The following RAMP1 variants were observed in gnomAD, a reference collection of about 807,000 sequenced individuals.
RAMP1 encodes receptor activity-modifying protein 1.
RAMP1 carries 7 observed loss-of-function variants against 8.2 expected under a neutral mutation model. That is an observed-to-expected ratio of 0.85 (90% confidence interval 0.49 to 1.60). RAMP1 has a LOEUF of 1.60. Among genes scored for constraint, RAMP1 ranks in the 40% most tolerant of loss-of-function variants. RAMP1 has a pLI of 0.00. For missense variants in RAMP1, 192 were observed against 202.4 expected, an observed-to-expected ratio of 0.95 and a Z score of 0.31; for synonymous variants, 92 against 84.7, an observed-to-expected ratio of 1.09 and a Z score of -0.47.
intron 1 of RAMP1, chr2:237,859,946 C>T: frequency 4.4e-6 from 2 of 450,992 alleles, no homozygotes; most frequent in East Asian, 3.8e-5. Flanking sequence ...TTGCGCTTCT[C>T]GCCGGGGAAG....
chr2:237,896,464 G>A (rs2062543254), intron 2 of RAMP1, among the ~76,000 whole-genome samples: 1 of 152,172 alleles, frequency 6.6e-6, no homozygotes, highest in South Asian at 2.1e-4. Context: ...CAGGCCCAGG[G>A]AGGGCCAAGC....
intron 2 of RAMP1, among the ~76,000 whole-genome samples, chr2:237,896,382 G>A (rs2062542506): frequency 6.6e-6 from 1 of 152,182 alleles, no homozygotes; most frequent in African/African-American, 2.4e-5. Flanking sequence ...TCCCAGCATG[G>A]GCAGAGGCGC....
chr2:237,883,678 TG>T (rs1351918110), intron 2 of RAMP1, among the ~76,000 whole-genome samples: 3 of 151,798 alleles, frequency 2.0e-5, no homozygotes, highest in African/African-American at 7.3e-5. Context: ...TAGCTGTACA[TG>T]GTGTTGGACA....
At chr2:237,885,093 C>T (rs2062413515) in intron 2 of RAMP1, among the ~76,000 whole-genome samples, 1 of 152,278 alleles carries the variant, frequency 6.6e-6, no homozygotes, top group Non-Finnish European at 1.5e-5. Flanking sequence ...TGCTGCATTT[C>T]CCTCCTGCTG....
chr2:237,879,257 T>G (rs983966217), intron 2 of RAMP1, among the ~76,000 whole-genome samples: 3 of 151,746 alleles, frequency 2.0e-5, no homozygotes, highest in African/African-American at 7.3e-5. Flanking sequence ...GTAGATTGAT[T>G]GTGAACGGGA....
In RAMP1 at chr2:237,877,138, C is replaced by T. The variant is rs1018814823; in HGVS notation, c.53-86C>T. 1.5e-5 allele frequency: 24 copies of T among 1,581,078 alleles called. No individual in the cohort carries two copies. The highest frequency in any genetic ancestry group is 2.7e-5 in the African/African-American group (2 of 74,420). ...TTAGAGGCCCCGTTCTCGTGGAGTCCGGGCTGCAGGGGCGCGCGGGCTGGC... is the reference window on the plus strand; with the variant it reads ...TTAGAGGCCCCGTTCTCGTGGAGTCTGGGCTGCAGGGGCGCGCGGGCTGGC... On this transcript the variant is annotated intron_variant, in intron 1 of 2. Transcript: ENST00000254661. This position sits in a 1 kb window ranked among gnomAD's most constrained non-coding sequence, Gnocchi z 4.4.
chr2:237,874,400 G>T (rs114440281), intron 1 of RAMP1, among the ~76,000 whole-genome samples: 1 of 152,252 alleles, frequency 6.6e-6, no homozygotes, highest in Admixed American at 6.5e-5. Context: ...GACTGGCTCT[G>T]CAGGGCGGTT....
chr2:237,859,871 C>T (rs958336940), intron 1 of RAMP1, 144 bp downstream of exon 1: 2 of 765,646 alleles, frequency 2.6e-6, no homozygotes, highest in East Asian at 3.6e-5. Context: ...CCCTTGAACG[C>T]GGGCCGCCCC....
intron 2 of RAMP1, among the ~76,000 whole-genome samples, chr2:237,895,441 C>T (rs1033035418): frequency 1.3e-5 from 2 of 152,192 alleles, no homozygotes; most frequent in Non-Finnish European, 2.9e-5. Context: ...CCACAGTGAA[C>T]ACCCCACGTT....
intron 2 of RAMP1, among the ~76,000 whole-genome samples, chr2:237,910,119 T>C (rs1408401979): frequency 2.0e-5 from 3 of 151,988 alleles, no homozygotes; most frequent in African/African-American, 7.3e-5. Flanking sequence ...GTGAAGTCCA[T>C]ATGGGGTCAC....
chr2:237,908,726 C>G (rs925888304), intron 2 of RAMP1, among the ~76,000 whole-genome samples: 11 of 152,160 alleles, frequency 7.2e-5, no homozygotes, highest in African/African-American at 2.2e-4. Flanking sequence ...GTTAAGCCAC[C>G]ACACCCAGCC....
rs532280454 is a variant in RAMP1, at chr2:237,862,008, GC to G, written c.52+2285del. 1.6e-3 allele frequency among the ~76,000 whole-genome samples: 241 copies of G among 152,302 alleles called. 1 individual carries two copies. Among genetic ancestry groups the G allele is most frequent in the African/African-American group, 5.5e-3 (229 of 41,564 alleles). On this transcript the variant is annotated intron_variant, in intron 1 of 2. Transcript: ENST00000254661. The surrounding 1 kb of genome is among the most constrained non-coding windows in gnomAD (Gnocchi z 4.0). ...ACCAGGAAAGAAGGATGCGTTAGAA[GC>G]CCCTGGTTTTTCGAGTCCATCTTCA...
intron 2 of RAMP1, among the ~76,000 whole-genome samples, chr2:237,880,431 C>A (rs2062357092): frequency 6.6e-6 from 1 of 152,160 alleles, no homozygotes; most frequent in East Asian, 1.9e-4. Context: ...CTGAAGTCAG[C>A]CATTTCTCCA....
At chr2:237,886,616 G>A (rs75226929) in intron 2 of RAMP1, among the ~76,000 whole-genome samples, 2,655 of 152,266 alleles carry the variant, frequency 0.017, 89 homozygotes, top group African/African-American at 0.061. Context: ...GGACCACCTT[G>A]TCATCCTCAG....
Position 237,877,231 on chromosome 2 carries a change from CCTCTT to C in RAMP1, c.62_66del (p.Leu21HisfsTer9). 2 of 1,613,994 alleles carry C rather than the reference CCTCTT, an allele frequency of 1.2e-6. No homozygotes were observed. Among genetic ancestry groups the C allele is most frequent in the Non-Finnish European group, 1.7e-6 (2 of 1,180,024 alleles). ...TGGCCGTGTCTATTTCAGCCCATCA[CCTCTT>C]CATGACCACTGCCTGCCAGGAGGCT... On this transcript the variant is annotated frameshift_variant, in exon 2 of 3. Coordinates refer to ENST00000254661, the MANE Select transcript of RAMP1 (RefSeq NM_005855.4). LOFTEE classifies it high-confidence loss of function. This position sits in a 1 kb window ranked among gnomAD's most constrained non-coding sequence, Gnocchi z 4.4.
chr2:237,902,265 T>G (rs1576555668), intron 2 of RAMP1, among the ~76,000 whole-genome samples: 1 of 101,606 alleles, frequency 9.8e-6, no homozygotes, highest in Non-Finnish European at 2.0e-5. Context: ...AAGGGCGAGG[T>G]GGAAGAGGGA....
rs533767392 is a variant in RAMP1 at position 237,908,551 on chromosome 2, C to T, written c.192-2977C>T. 2.5e-3 allele frequency among the ~76,000 whole-genome samples: 377 copies of T among 152,188 alleles called. 2 individuals are homozygous for T. Among genetic ancestry groups the T allele is most frequent in the African/African-American group, 8.8e-3 (366 of 41,526 alleles). ...CTCCTGGGTTCAAGCGATTCTCTTGCCTCAGACTCCCTCGTAGCTGGGATT... is the reference window on the plus strand; with the variant it reads ...CTCCTGGGTTCAAGCGATTCTCTTGTCTCAGACTCCCTCGTAGCTGGGATT... On this transcript the variant is annotated intron_variant, in intron 2 of 2. Transcript: ENST00000254661.
intron 1 of RAMP1, among the ~76,000 whole-genome samples, chr2:237,864,437 T>C (rs55878515): frequency 0.037 from 5,698 of 152,328 alleles, 239 homozygotes; most frequent in African/African-American, 0.097. Flanking sequence ...GGGGTGGCTC[T>C]CTCTGCAGGG....
At chr2:237,891,731 AC>A (rs2062490358) in intron 2 of RAMP1, among the ~76,000 whole-genome samples, 1 of 152,192 alleles carries the variant, frequency 6.6e-6, no homozygotes, top group Non-Finnish European at 1.5e-5. Context: ...CACCAAAACA[AC>A]CATTAATGTT....
Sources: allele counts gnomAD v4.1 joint callset (sites outside exome capture counted in the v4.1 genomes callset), GRCh38; gene constraint gnomAD v4.1.1; non-coding constraint Gnocchi (gnomAD v3.1); transcripts MANE v1.5; gene names NCBI Gene and HGNC (gene_info 2026-07-23, HGNC 2026-07-21).